The following KCNIP3 variants were observed in gnomAD, a reference collection of about 807,000 sequenced individuals.
KCNIP3 encodes the protein calsenilin.
Under a neutral mutation model 35.0 loss-of-function variants are expected in KCNIP3, and 28 were observed. That is an observed-to-expected ratio of 0.80 (90% CI 0.59 to 1.10). The LOEUF is 1.10. Among genes scored for constraint, KCNIP3 ranks in the 50% least tolerant of loss-of-function variants. The pLI is 0.00. For missense variants in KCNIP3, 295 were observed against 338.4 expected, an observed-to-expected ratio of 0.87 and a Z score of 1.01; for synonymous variants, 134 against 133.8, an observed-to-expected ratio of 1.00 and a Z score of -0.01.
At chr2:95,316,294 ACAGGAGGCCCGC>A (rs1678458911) in intron 2 of KCNIP3, among the ~76,000 whole-genome samples, 1 of 152,252 alleles carries the variant, frequency 6.6e-6, no homozygotes, top group Non-Finnish European at 1.5e-5. Flanking sequence ...ACTGTGGTGC[ACAGGAGGCCCGC>A]CGGGCACCGC....
intron 2 of KCNIP3, among the ~76,000 whole-genome samples, chr2:95,371,368 T>G (rs1247695222): frequency 2.0e-5 from 3 of 152,242 alleles, no homozygotes; most frequent in Admixed American, 6.5e-5. Context: ...AGAAATGTAT[T>G]GTTTATTTCC....
In KCNIP3 at chr2:95,337,483, T is replaced by G. The variant is rs1238052401; in HGVS notation, c.181+26963T>G. On this transcript the variant is annotated intron_variant, in intron 2 of 8. Transcript: ENST00000295225. ...TATTCAAACTTGTCTATGTTCCTGC[T>G]AGGTCTCTTGAGTGTGTCATTGGGA... Among the ~76,000 whole-genome samples the G allele has an allele frequency of 9.2e-5, 14 of 152,212 alleles. 1 individual carries two copies. The highest frequency in any genetic ancestry group is 9.2e-4 in the Admixed American group (14 of 15,290).
chr2:95,340,335 T>C (rs970339250), intron 2 of KCNIP3, among the ~76,000 whole-genome samples: 5 of 96,352 alleles, frequency 5.2e-5, no homozygotes, highest in African/African-American at 2.3e-4. Flanking sequence ...AAACTCCATC[T>C]CAAAAACAAA....
chr2:95,325,681 T>C (rs1678726383), intron 2 of KCNIP3, among the ~76,000 whole-genome samples: 1 of 139,948 alleles, frequency 7.1e-6, no homozygotes, highest in East Asian at 2.2e-4. Flanking sequence ...ACATACACAC[T>C]CATACACATA....
At position 95,374,817 on chromosome 2, in the gene KCNIP3, C is replaced by A. The variant is rs750033356; in HGVS notation, c.307-31C>A. ...AGTCGGGCTTGGAGCTGGGGGTGGC[C>A]GAGGGCTGAGGGGGTGCCTTCCTGC... is the stretch of plus-strand genomic sequence containing the variant. On this transcript the variant is annotated intron_variant, in intron 3 of 8. Transcript: ENST00000295225. The A allele has an allele frequency of 4.3e-6, 7 of 1,609,846 alleles. 1 individual carries two copies. In the East Asian group the frequency reaches 1.1e-4, roughly 26 times the overall value.
In KCNIP3 at chr2:95,353,833, G is replaced by A. The variant is rs144362991; in HGVS notation, c.182-20463G>A. 6.6e-5 allele frequency among the ~76,000 whole-genome samples: 10 copies of A among 152,288 alleles called. No individual in the cohort carries two copies. In the East Asian group the frequency reaches 1.9e-3, roughly 29 times the overall value. On this transcript the variant is annotated intron_variant, in intron 2 of 8. Transcript: ENST00000295225. ...AGATTTCCACACGGCTCTCAACCAA[G>A]GGCAGTTTTACCCTGCAGGGACGTT...
chr2:95,301,541 T>C (rs1473160033), intron 1 of KCNIP3, among the ~76,000 whole-genome samples: 2 of 152,168 alleles, frequency 1.3e-5, no homozygotes, highest in African/African-American at 4.8e-5. Flanking sequence ...GGGGGAAGTA[T>C]GAATATCACA....
intron 5 of KCNIP3, among the ~76,000 whole-genome samples, chr2:95,381,036 T>C (rs2104307337): frequency 6.6e-6 from 1 of 152,318 alleles, no homozygotes; most frequent in Admixed American, 6.5e-5. Flanking sequence ...ATCATTCCTC[T>C]AGCTATTTAA....
In KCNIP3 at chr2:95,375,204, T is replaced by G. The variant is rs774210393; in HGVS notation, c.443T>G (p.Phe148Cys). 3.1e-6 allele frequency: 5 copies of G among 1,614,080 alleles called. No individual in the cohort carries two copies. Among genetic ancestry groups the G allele is most frequent in the Non-Finnish European group, 4.2e-6 (5 of 1,179,930 alleles). Reference protein sequence around the residue: ...FDADGNGAIHFEDFVVGLSIL... With the variant: ...FDADGNGAIHCEDFVVGLSIL... ...GCGGACGGGAACGGGGCCATCCACT[T>G]TGAGGTAGGTCCTCGCGGATTCCTC... Residue 148 changes from phenylalanine to cysteine, a missense_variant, in exon 5 of 9, where the codon TTT becomes TGT. Transcript: ENST00000295225.
chr2:95,375,281 CTG>C (rs1680156327), intron 5 of KCNIP3, 73 bp downstream of exon 5: 18 of 1,337,158 alleles, frequency 1.3e-5, no homozygotes, highest in Non-Finnish European at 1.9e-5. Flanking sequence ...CCTGGCGTCA[CTG>C]TCAGGGCTGT....
chr2:95,352,412 G>A (rs1679549490), intron 2 of KCNIP3, among the ~76,000 whole-genome samples: 1 of 152,240 alleles, frequency 6.6e-6, no homozygotes, highest in African/African-American at 2.4e-5. Context: ...TAGCTGGGGA[G>A]GGCGGGAGTG....
At chr2:95,316,395 T>C (rs1486445971) in intron 2 of KCNIP3, among the ~76,000 whole-genome samples, 1 of 152,190 alleles carries the variant, frequency 6.6e-6, no homozygotes, top group Non-Finnish European at 1.5e-5. Flanking sequence ...TTGCCTGAAC[T>C]TGCATATAAC....
chr2:95,329,160 C>T (rs759721063), intron 2 of KCNIP3, among the ~76,000 whole-genome samples: 16 of 152,162 alleles, frequency 1.1e-4, no homozygotes, highest in Non-Finnish European at 1.5e-4. Flanking sequence ...TAGAACACGG[C>T]GATTAGCCCA....
intron 1 of KCNIP3, among the ~76,000 whole-genome samples, chr2:95,302,573 C>T (rs928266328): frequency 2.6e-5 from 4 of 152,188 alleles, no homozygotes; most frequent in South Asian, 2.1e-4. Flanking sequence ...ATCAGAAGGG[C>T]GAGGAACACT....
intron 2 of KCNIP3, among the ~76,000 whole-genome samples, chr2:95,353,401 G>A (rs1351669417): frequency 1.3e-5 from 2 of 152,156 alleles, no homozygotes; most frequent in South Asian, 2.1e-4. Flanking sequence ...AGGCCAGAGC[G>A]CGAGGCAGCC....
At chr2:95,314,449 G>T (rs1279121682) in intron 2 of KCNIP3, among the ~76,000 whole-genome samples, 2 of 152,194 alleles carry the variant, frequency 1.3e-5, no homozygotes, top group Admixed American at 1.3e-4. Flanking sequence ...CTGAGTCCTT[G>T]GTGGAGTGAT....
chr2:95,363,892 T>G (rs1315259430), intron 2 of KCNIP3, among the ~76,000 whole-genome samples: 1 of 152,242 alleles, frequency 6.6e-6, no homozygotes, highest in Non-Finnish European at 1.5e-5. Flanking sequence ...CGATTAATCT[T>G]ATATCTGGCA....
chr2:95,383,607 G>A (rs1358900009), intron 8 of KCNIP3, among the ~76,000 whole-genome samples: 4 of 151,652 alleles, frequency 2.6e-5, no homozygotes, highest in African/African-American at 4.8e-5. Flanking sequence ...GAGGGTCACC[G>A]TGGGGAGGCA....
In KCNIP3 at chr2:95,352,655, C is replaced by T. The variant is rs145164529; in HGVS notation, c.182-21641C>T. 1.5e-4 allele frequency among the ~76,000 whole-genome samples: 23 copies of T among 152,266 alleles called. No homozygotes were observed. The East Asian group carries it at 3.9e-3, about 26-fold the overall frequency. On this transcript the variant is annotated intron_variant, in intron 2 of 8. Coordinates refer to ENST00000295225, the MANE Select transcript of KCNIP3 (RefSeq NM_013434.5). ...TTTGCCAGTGGCCTGTAAACTTCCTCTGCCCTCCCTCCCCTGCCATTTCCC... is the reference window on the plus strand; with the variant it reads ...TTTGCCAGTGGCCTGTAAACTTCCTTTGCCCTCCCTCCCCTGCCATTTCCC...
Sources: gnomAD v4.1 joint callset for allele counts (sites outside exome capture counted in the v4.1 genomes callset) on GRCh38, gnomAD v4.1.1 for gene constraint, MANE v1.5 for transcripts, NCBI Gene and HGNC (gene_info 2026-07-23, HGNC 2026-07-21) for gene names.